The following RASSF5 variants were observed in gnomAD, a reference collection of about 807,000 sequenced individuals.
RASSF5 encodes ras association domain-containing protein 5.
In RASSF5, 25 loss-of-function variants were observed where a neutral mutation model predicts 40.5. The observed-to-expected ratio is 0.62, with a 90% CI of 0.45 to 0.86. The LOEUF (loss-of-function observed/expected upper bound fraction) is 0.86. Among genes scored for constraint, RASSF5 ranks in the 40% least tolerant of loss-of-function variants. The probability of loss-of-function intolerance (pLI) is 0.00; values close to 1 mark genes in which losing one functional copy is unlikely to be tolerated. For synonymous variants in RASSF5, 246 were observed against 252.4 expected (o/e 0.97, Z 0.24); for missense variants, 521 against 572.8 (o/e 0.91, Z 0.92).
chr1:206,552,000 G>A (rs1667854830), intron 2 of RASSF5, among the ~76,000 whole-genome samples: 1 of 152,188 alleles, frequency 6.6e-6, no homozygotes, highest in East Asian at 1.9e-4. Context: ...AGAGCCCTTG[G>A]GCCTGACTCA....
intron 1 of RASSF5, chr1:206,529,558 T>C: frequency 1.2e-6 from 1 of 867,838 alleles, no homozygotes; most frequent in South Asian, 1.3e-5. Flanking sequence ...TTGGCTAAGC[T>C]GGTGGAAGCT....
intron 2 of RASSF5, among the ~76,000 whole-genome samples, chr1:206,573,066 C>T (rs1421302824): frequency 6.6e-6 from 1 of 152,206 alleles, no homozygotes; most frequent in Non-Finnish European, 1.5e-5. Context: ...TGATGACGCA[C>T]TAGCTAACAT....
chr1:206,556,169 T>C (rs1381973895), intron 2 of RASSF5, among the ~76,000 whole-genome samples: 1 of 152,202 alleles, frequency 6.6e-6, no homozygotes, highest in African/African-American at 2.4e-5. Context: ...GATGGCAAAG[T>C]GCCCACCCAA....
chr1:206,520,877 ACTGCT>A (rs1666887688), intron 1 of RASSF5, among the ~76,000 whole-genome samples: 1 of 152,108 alleles, frequency 6.6e-6, no homozygotes, highest in Non-Finnish European at 1.5e-5. Context: ...ACTTTTCATA[ACTGCT>A]CCCCGTGGGT....
At chr1:206,528,200 A>T (rs1558500501) in intron 1 of RASSF5, among the ~76,000 whole-genome samples, 2 of 152,166 alleles carry the variant, frequency 1.3e-5, no homozygotes, top group South Asian at 4.1e-4. Flanking sequence ...AAGGAGCCTC[A>T]TAAATATATA....
At chr1:206,523,480 ATATAATATTATATATTATATATT>A (rs1242915989) in intron 1 of RASSF5, among the ~76,000 whole-genome samples, 41 of 105,320 alleles carry the variant, frequency 3.9e-4, no homozygotes, top group African/African-American at 1.5e-3. Flanking sequence ...TATATACAAT[ATATAATATTATATATTATATATT>A]TTATATATTA....
chr1:206,541,457 C>T (rs1667543099), intron 2 of RASSF5, among the ~76,000 whole-genome samples: 1 of 152,106 alleles, frequency 6.6e-6, no homozygotes, highest in Non-Finnish European at 1.5e-5. Context: ...AGCTCAGAAT[C>T]CCCAGTGGCA....
At chr1:206,577,233 C>T (rs1486928971) in intron 2 of RASSF5, among the ~76,000 whole-genome samples, 2 of 152,022 alleles carry the variant, frequency 1.3e-5, no homozygotes, top group Non-Finnish European at 2.9e-5. Flanking sequence ...ACTGTCTGAC[C>T]CTTTACAGAA....
At chr1:206,575,706 G>A (rs1333255709) in intron 2 of RASSF5, among the ~76,000 whole-genome samples, 2 of 152,122 alleles carry the variant, frequency 1.3e-5, no homozygotes, top group Non-Finnish European at 2.9e-5. Flanking sequence ...CCTGCGAAGG[G>A]GCCCTTAGAG....
intron 1 of RASSF5, among the ~76,000 whole-genome samples, chr1:206,509,900 A>G (rs1329415210): frequency 6.6e-6 from 1 of 152,004 alleles, no homozygotes; most frequent in East Asian, 1.9e-4. Context: ...CCCGGGCAGT[A>G]CCTCTGACTT....
intron 1 of RASSF5, among the ~76,000 whole-genome samples, chr1:206,534,584 G>A (rs1393415264): frequency 6.6e-6 from 1 of 152,130 alleles, no homozygotes; most frequent in Admixed American, 6.5e-5. Context: ...GCTCCCCAGA[G>A]CTGCCTGCAC....
At chr1:206,519,044 G>A (rs1558496265) in intron 1 of RASSF5, among the ~76,000 whole-genome samples, 2 of 152,208 alleles carry the variant, frequency 1.3e-5, no homozygotes, top group Non-Finnish European at 2.9e-5. Context: ...AAGGCTGCTG[G>A]GTGGAGCACA....
intron 2 of RASSF5, among the ~76,000 whole-genome samples, chr1:206,549,715 G>C (rs1667784159): frequency 6.6e-6 from 1 of 152,174 alleles, no homozygotes; most frequent in African/African-American, 2.4e-5. Flanking sequence ...GTCAGGATTG[G>C]AATAGTCCTC....
At chr1:206,529,287 G>A (rs1305874226) in intron 1 of RASSF5, 42 of 875,446 alleles carry the variant, frequency 4.8e-5, no homozygotes, top group East Asian at 4.4e-4. Context: ...CAAAGGGGAC[G>A]TCCCCACTAA....
Position 206,585,290 on chromosome 1 carries a change from G to A in RASSF5, c.1099G>A (p.Val367Ile). 1 of 1,613,312 alleles carries A rather than the reference G, an allele frequency of 6.2e-7. No individual in the cohort carries two copies. Among genetic ancestry groups the A allele is most frequent in the East Asian group, 2.2e-5 (1 of 44,864 alleles). The stretch of plus-strand genomic sequence containing the variant: ...GCTAAAGGAGAATGAAACTGGAGAG[G>A]TAGAGGTAGGTCTGGACCCATTGTG... ...FVLKENETGE[V>I]EWDAFSIPEL... The change falls in exon 5 of 6, where the codon GTA becomes ATA. Residue 367 changes from valine to isoleucine, a missense_variant. This residue lies in a region of RASSF5 where 284 missense variants were observed against 360.8 expected (regional missense o/e 0.79). Transcript: ENST00000579436.
intron 2 of RASSF5, among the ~76,000 whole-genome samples, chr1:206,540,482 G>A (rs574380047): frequency 1.2e-4 from 19 of 152,356 alleles, no homozygotes; most frequent in African/African-American, 4.1e-4. Context: ...AGAACCCCGC[G>A]TGGGAGCTGA....
chr1:206,587,106 T>C lies in RASSF5; in HGVS notation c.*128T>C. ...TTTGTGCCTGCCCAGCAGTTCCAGCTGTGGCAAAAGTCTCTTCCATGGACA... is the reference window on the plus strand; with the variant it reads ...TTTGTGCCTGCCCAGCAGTTCCAGCCGTGGCAAAAGTCTCTTCCATGGACA... On this transcript the variant is annotated 3_prime_UTR_variant, in exon 6 of 6. Transcript: ENST00000579436. 8.1e-7 allele frequency: 1 copy of C among 1,229,422 alleles called. No individual in the cohort carries two copies. The highest frequency in any genetic ancestry group is 1.2e-6 in the Non-Finnish European group (1 of 866,306). 76.2% of individuals were successfully genotyped at this position (1,229,422 alleles called of 1,614,324 possible).
At chr1:206,557,688 T>C in intron 2 of RASSF5, 1 of 1,614,176 alleles carries the variant, frequency 6.2e-7, no homozygotes, top group African/African-American at 1.3e-5. Context: ...CAAACATCTT[T>C]CAAAGGTAAA....
intron 1 of RASSF5, chr1:206,529,784 G>A (rs562074767): frequency 2.3e-6 from 1 of 428,886 alleles, no homozygotes; most frequent in African/African-American, 2.0e-5. Flanking sequence ...AATTAACCAG[G>A]TGTGGTGGTG....
Sources: allele counts gnomAD v4.1 joint callset (sites outside exome capture counted in the v4.1 genomes callset), GRCh38; gene constraint gnomAD v4.1.1; regional missense constraint gnomAD v4.1.1; transcripts MANE v1.5; gene names NCBI Gene and HGNC (gene_info 2026-07-23, HGNC 2026-07-21).